FBXL17: variants seen among roughly 807,000 people sequenced by gnomAD.
The protein encoded by FBXL17 is F-box/LRR-repeat protein 17.
FBXL17 carries 22 observed loss-of-function variants against 66.2 expected under a neutral mutation model. The ratio of observed to expected loss-of-function variants is 0.33; its 90% CI spans 0.24 to 0.47. FBXL17 has a LOEUF of 0.47. Ranked by LOEUF, FBXL17 falls within the 20% of genes least tolerant of loss-of-function variation. FBXL17 has a pLI of 1.00. For missense variants in FBXL17, 878 were observed against 948.2 expected (o/e 0.93, Z 0.97); for synonymous variants, 474 against 400.5 (o/e 1.18, Z -2.19).
chr5:108,212,203 G>A (rs1436216740), intron 5 of FBXL17, among the ~76,000 whole-genome samples: 1 of 152,018 alleles, frequency 6.6e-6, no homozygotes, highest in Non-Finnish European at 1.5e-5. Flanking sequence ...CTCTACACTG[G>A]TTATTCTATT....
intron 6 of FBXL17, among the ~76,000 whole-genome samples, chr5:108,124,279 T>C (rs1453468296): frequency 6.6e-6 from 1 of 151,980 alleles, no homozygotes. Flanking sequence ...TCATAAGATA[T>C]GAAATATGTT....
rs1305730195 is a variant in FBXL17, at chr5:108,026,853, T to TAA, written c.1746-5854_1746-5853dup. 2.0e-5 allele frequency among the ~76,000 whole-genome samples: 3 copies of TAA among 152,210 alleles called. No homozygotes were observed. The East Asian group carries it at 5.8e-4, about 29-fold the overall frequency. On this transcript the variant is annotated intron_variant, in intron 6 of 8. Transcript: ENST00000542267. ...AAGCAGTGTTTTGTTATTTATGTTT[T>TAA]AATGAGACACATCACAAGAGGTGGC...
chr5:108,296,838 C>T (rs1414573084), intron 4 of FBXL17, among the ~76,000 whole-genome samples: 1 of 151,436 alleles, frequency 6.6e-6, no homozygotes, highest in Non-Finnish European at 1.5e-5. Flanking sequence ...CAAAATAACA[C>T]ATTCAATATG....
intron 7 of FBXL17, among the ~76,000 whole-genome samples, chr5:107,981,204 T>C (rs770788871): frequency 2.6e-5 from 4 of 152,128 alleles, no homozygotes; most frequent in Non-Finnish European, 5.9e-5. Context: ...CAGGAGTCCA[T>C]GCTAGAAAGG....
At chr5:108,373,831 T>C (rs565122526) in intron 1 of FBXL17, among the ~76,000 whole-genome samples, 24 of 152,210 alleles carry the variant, frequency 1.6e-4, no homozygotes, top group Non-Finnish European at 2.6e-4. Flanking sequence ...GGTTGGAGAA[T>C]AGCTTGAGCC....
intron 6 of FBXL17, among the ~76,000 whole-genome samples, chr5:108,149,506 G>C (rs1227754875): frequency 2.0e-5 from 3 of 152,194 alleles, no homozygotes; most frequent in African/African-American, 7.2e-5. Context: ...TGTTACACAT[G>C]TGTTAAGCAT....
intron 4 of FBXL17, among the ~76,000 whole-genome samples, chr5:108,229,861 A>T (rs1755250786): frequency 6.6e-6 from 1 of 152,196 alleles, no homozygotes; most frequent in Non-Finnish European, 1.5e-5. Flanking sequence ...CAACTCAAAC[A>T]AATCAACAAG....
intron 6 of FBXL17, among the ~76,000 whole-genome samples, chr5:108,088,742 T>C (rs1219159997): frequency 9.4e-6 from 1 of 106,698 alleles, no homozygotes; most frequent in African/African-American, 3.9e-5. Flanking sequence ...AAAAAAAAGA[T>C]ACCTGTATAT....
rs1747401335 is a variant in FBXL17, at chr5:108,049,791, G to A, written c.1746-28790C>T. ...TGCTCCAATTAAAAGACACAGACTG[G>A]CAAACTGGATAAGGAGTCAAGACCC... On this transcript the variant is annotated intron_variant, in intron 6 of 8. Transcript: ENST00000542267. Among the ~76,000 whole-genome samples the A allele has an allele frequency of 3.9e-5, 6 of 152,266 alleles. No individual in the cohort carries two copies. In the South Asian group the frequency reaches 1.0e-3, roughly 26 times the overall value.
chr5:107,912,862 AT>A (rs1392965108), intron 7 of FBXL17, among the ~76,000 whole-genome samples: 1 of 152,122 alleles, frequency 6.6e-6, no homozygotes, highest in Non-Finnish European at 1.5e-5. Flanking sequence ...CTGGGTTCAA[AT>A]TTTAGCTCTG....
chr5:108,263,636 C>A (rs1351548025), intron 4 of FBXL17, among the ~76,000 whole-genome samples: 1 of 152,104 alleles, frequency 6.6e-6, no homozygotes, highest in Non-Finnish European at 1.5e-5. Context: ...AAAGGTGTTT[C>A]CACATCACAT....
At chr5:108,126,651 C>CTCTCTCTCTCTCTCTCTCTA (rs1554067324) in intron 6 of FBXL17, among the ~76,000 whole-genome samples, 1 of 108,038 alleles carries the variant, frequency 9.3e-6, no homozygotes, top group Admixed American at 9.5e-5. Flanking sequence ...CTCTCTCTCT[C>CTCTCTCTCTCTCTCTCTCTA]TATATATATA....
chr5:108,049,160 T>C (rs1235167757), intron 6 of FBXL17, among the ~76,000 whole-genome samples: 1 of 152,022 alleles, frequency 6.6e-6, no homozygotes, highest in East Asian at 1.9e-4. Context: ...TTCTTTTTTT[T>C]TTTAGACAGA....
chr5:108,170,427 T>C (rs900122078), intron 6 of FBXL17, among the ~76,000 whole-genome samples: 43 of 152,190 alleles, frequency 2.8e-4, no homozygotes, highest in African/African-American at 1.0e-3. Flanking sequence ...AGGTATTAGT[T>C]AGAAGAATTT....
chr5:108,262,086 A>ATT (rs1056144916), intron 4 of FBXL17, among the ~76,000 whole-genome samples: 8 of 142,166 alleles, frequency 5.6e-5, no homozygotes, highest in African/African-American at 2.1e-4. Flanking sequence ...TTATTTATTT[A>ATT]TTTTTTTTGA....
At chr5:108,265,632 G>A (rs1416689004) in intron 4 of FBXL17, among the ~76,000 whole-genome samples, 1 of 152,016 alleles carries the variant, frequency 6.6e-6, no homozygotes, top group Non-Finnish European at 1.5e-5. Flanking sequence ...CTTTCACCAA[G>A]ACTTATGGAA....
chr5:108,339,924 AAT>A (rs1337084131), intron 4 of FBXL17, among the ~76,000 whole-genome samples: 4 of 152,184 alleles, frequency 2.6e-5, no homozygotes, highest in South Asian at 2.1e-4. Context: ...TTGCTAAACT[AAT>A]ATAATTAAGC....
intron 6 of FBXL17, among the ~76,000 whole-genome samples, chr5:108,066,027 G>C (rs1370732307): frequency 1.3e-5 from 2 of 152,116 alleles, no homozygotes; most frequent in Non-Finnish European, 2.9e-5. Flanking sequence ...TAGGTTTATG[G>C]AAGGGATTTT....
At chr5:108,062,083 T>C (rs1453886487) in intron 6 of FBXL17, among the ~76,000 whole-genome samples, 1 of 151,924 alleles carries the variant, frequency 6.6e-6, no homozygotes, top group African/African-American at 2.4e-5. Context: ...TCAGAATAAA[T>C]AAAATTGAAA....
Sources: allele counts gnomAD v4.1 joint callset (sites outside exome capture counted in the v4.1 genomes callset), GRCh38; gene constraint gnomAD v4.1.1; transcripts MANE v1.5; gene names NCBI Gene and HGNC (gene_info 2026-07-23, HGNC 2026-07-21).